OPCML: variants seen among roughly 807,000 people sequenced by gnomAD.
OPCML encodes opioid binding protein/cell adhesion molecule like.
In OPCML, 13 loss-of-function variants were observed where a neutral mutation model predicts 37.8. The ratio of observed to expected loss-of-function variants is 0.34; its 90% CI spans 0.22 to 0.55. OPCML has a LOEUF of 0.55. Among genes scored for constraint, OPCML ranks in the 20% least tolerant of loss-of-function variants. The pLI is 0.91. For missense variants in OPCML, 341 were observed against 435.6 expected, an observed-to-expected ratio of 0.78 and a Z score of 1.93; for synonymous variants, 176 against 168.8, an observed-to-expected ratio of 1.04 and a Z score of -0.33.
Position 132,536,131 on chromosome 11 carries a change from C to T in OPCML, c.380-6945G>A, listed in dbSNP as rs138828904. Among the ~76,000 whole-genome samples, 3 of 152,290 alleles carry T rather than the reference C, an allele frequency of 2.0e-5. No individual in the cohort carries two copies. The East Asian group carries it at 5.8e-4, about 29-fold the overall frequency. ...CAGTCACCCAGAGCTGCCCAGCTTC[C>T]ATTACATCCCTCAGCATCCTGTCCC... is the stretch of plus-strand genomic sequence containing the variant. On this transcript the variant is annotated intron_variant, in intron 3 of 7. Transcript: ENST00000524381.
intron 1 of OPCML, among the ~76,000 whole-genome samples, chr11:133,116,473 C>A (rs1288767724): frequency 6.6e-6 from 1 of 152,166 alleles, no homozygotes; most frequent in East Asian, 1.9e-4. Flanking sequence ...TAATCTGCAA[C>A]CTTCCTCCAG....
intron 1 of OPCML, among the ~76,000 whole-genome samples, chr11:133,149,490 A>C (rs1255607587): frequency 6.6e-6 from 1 of 152,250 alleles, no homozygotes; most frequent in South Asian, 2.1e-4. Flanking sequence ...CAAAGAAGAC[A>C]TACAATTTAC....
At chr11:133,507,156 C>T (rs1166441966) in intron 1 of OPCML, among the ~76,000 whole-genome samples, 2 of 152,196 alleles carry the variant, frequency 1.3e-5, no homozygotes, top group Admixed American at 6.5e-5. Flanking sequence ...GGCCTGAGGA[C>T]CAAGAGACCC....
At chr11:132,895,142 A>C (rs1943790120) in intron 2 of OPCML, among the ~76,000 whole-genome samples, 1 of 152,220 alleles carries the variant, frequency 6.6e-6, no homozygotes, top group African/African-American at 2.4e-5. Context: ...TTCTAACAGC[A>C]CAGAGAGCAC....
chr11:132,878,757 A>G (rs1185135464), intron 2 of OPCML, among the ~76,000 whole-genome samples: 2 of 152,002 alleles, frequency 1.3e-5, no homozygotes, highest in African/African-American at 4.8e-5. Context: ...GATATCTCCT[A>G]TTGGTTTTAT....
At chr11:132,541,128 T>C (rs956375481) in intron 3 of OPCML, among the ~76,000 whole-genome samples, 1 of 152,230 alleles carries the variant, frequency 6.6e-6, no homozygotes, top group Admixed American at 6.5e-5. Flanking sequence ...GTCCCAGTTC[T>C]GTCAAGCATT....
intron 4 of OPCML, among the ~76,000 whole-genome samples, chr11:132,516,183 G>T (rs1565629401): frequency 6.6e-6 from 1 of 152,138 alleles, no homozygotes; most frequent in Non-Finnish European, 1.5e-5. Flanking sequence ...TAATTAAAAC[G>T]TCAGCAGTAA....
intron 1 of OPCML, among the ~76,000 whole-genome samples, chr11:133,202,975 C>T (rs113909581): frequency 6.6e-5 from 10 of 152,144 alleles, no homozygotes; most frequent in East Asian, 1.9e-4. Context: ...GTGTCAGGGC[C>T]GAGCACGTGA....
At position 132,695,529 on chromosome 11, in the gene OPCML, G is replaced by A. The variant is rs74845919; in HGVS notation, c.147-38210C>T. Among the ~76,000 whole-genome samples the A allele has an allele frequency of 7.1e-3, 1,087 of 152,248 alleles. 18 individuals carry two copies. The highest frequency in any genetic ancestry group is 0.025 in the African/African-American group (1,045 of 41,538). ...TCTTCAAAGGAGACAGATGCTGAGG[G>A]GTTTCATGACCAGGCTGAATAACTT... On this transcript the variant is annotated intron_variant, in intron 2 of 7. Transcript: ENST00000524381.
At chr11:132,524,178 G>A (rs1251568419) in intron 4 of OPCML, among the ~76,000 whole-genome samples, 1 of 152,180 alleles carries the variant, frequency 6.6e-6, no homozygotes, top group African/African-American at 2.4e-5. Flanking sequence ...CATTACTCAT[G>A]TGCCTAGAAG....
rs998547150 is a variant in OPCML, at chr11:133,174,025, C to T, written c.62-231015G>A. Among the ~76,000 whole-genome samples the T allele has an allele frequency of 2.0e-5, 3 of 152,230 alleles. No homozygotes were observed. The highest frequency in any genetic ancestry group is 2.9e-5 in the Non-Finnish European group (2 of 68,044). On this transcript the variant is annotated intron_variant, in intron 1 of 7. Coordinates refer to ENST00000524381, the MANE Select transcript of OPCML (RefSeq NM_001012393.5). The surrounding 1 kb of genome is among the most constrained non-coding windows in gnomAD (Gnocchi z 4.6). ...GCAGCAACGGATGAGCATGGAGAAACGGCCTGGCAGGCCCTGCACTGCGGC... is the reference window on the plus strand; with the variant it reads ...GCAGCAACGGATGAGCATGGAGAAATGGCCTGGCAGGCCCTGCACTGCGGC...
chr11:132,506,600 G>A (rs1254914476), intron 4 of OPCML, among the ~76,000 whole-genome samples: 1 of 152,146 alleles, frequency 6.6e-6, no homozygotes, highest in African/African-American at 2.4e-5. Context: ...GAAGGAGGAT[G>A]AAAGGAGGCT....
At chr11:132,440,274 G>A (rs916153492) in intron 4 of OPCML, among the ~76,000 whole-genome samples, 2 of 151,970 alleles carry the variant, frequency 1.3e-5, no homozygotes, top group African/African-American at 4.8e-5. Flanking sequence ...GAGAAAATGA[G>A]TTTTGTCAAG....
chr11:132,777,623 TCA>T (rs968629316), intron 2 of OPCML, among the ~76,000 whole-genome samples: 5 of 152,190 alleles, frequency 3.3e-5, no homozygotes, highest in Admixed American at 6.5e-5. Flanking sequence ...AATAATAGGA[TCA>T]CACAGCTAGC....
intron 1 of OPCML, among the ~76,000 whole-genome samples, chr11:133,529,789 A>G (rs975752779): frequency 6.6e-6 from 1 of 152,186 alleles, no homozygotes; most frequent in Admixed American, 6.5e-5. Flanking sequence ...GAAACAAAGA[A>G]AAAAAAGTCT....
chr11:132,579,706 T>A (rs183577790), intron 3 of OPCML, among the ~76,000 whole-genome samples: 27 of 152,248 alleles, frequency 1.8e-4, no homozygotes, highest in African/African-American at 6.0e-4. Flanking sequence ...CAAGTTGTTC[T>A]GAGAAAGACG....
intron 1 of OPCML, among the ~76,000 whole-genome samples, chr11:133,111,313 T>C (rs1474475229): frequency 2.0e-5 from 3 of 152,206 alleles, no homozygotes; most frequent in Non-Finnish European, 2.9e-5. Context: ...GTTCCATATG[T>C]CCCTTCACTG....
chr11:132,991,614 A>G (rs57432452), intron 1 of OPCML, among the ~76,000 whole-genome samples: 41 of 152,354 alleles, frequency 2.7e-4, no homozygotes, highest in African/African-American at 9.6e-4. Context: ...AAACTTAAAC[A>G]TATAAATCTG....
At chr11:133,076,767 C>A (rs1948627743) in intron 1 of OPCML, among the ~76,000 whole-genome samples, 1 of 152,134 alleles carries the variant, frequency 6.6e-6, no homozygotes, top group Non-Finnish European at 1.5e-5. Context: ...AGTGACTCTC[C>A]AGCTGGTCAG....
Sources: gnomAD v4.1 joint callset for allele counts (sites outside exome capture counted in the v4.1 genomes callset) on GRCh38, gnomAD v4.1.1 for gene constraint, Gnocchi (gnomAD v3.1) non-coding constraint, MANE v1.5 for transcripts, NCBI Gene and HGNC (gene_info 2026-07-23, HGNC 2026-07-21) for gene names.